SLC16A6: variants seen among roughly 807,000 people sequenced by gnomAD.
The protein encoded by SLC16A6 is monocarboxylate transporter 7.
SLC16A6 carries 15 observed loss-of-function variants against 33.8 expected under a neutral mutation model. The observed-to-expected ratio is 0.44, with a 90% CI of 0.30 to 0.68. The LOEUF (loss-of-function observed/expected upper bound fraction) is 0.68, where lower values mean the gene tolerates loss of function less well. SLC16A6 is among the 30% of genes least tolerant of loss of function. SLC16A6 has a pLI of 0.10. For missense variants in SLC16A6, 451 were observed against 661.5 expected (o/e 0.68, Z 3.49); for synonymous variants, 219 against 248.4 (o/e 0.88, Z 1.11).
intron 2 of SLC16A6, among the ~76,000 whole-genome samples, chr17:68,276,234 C>T (rs565326707): frequency 6.6e-6 from 1 of 151,950 alleles, no homozygotes; most frequent in African/African-American, 2.4e-5. Context: ...GCTGGGATTA[C>T]AGGTGCCCAC....
intron 3 of SLC16A6, among the ~76,000 whole-genome samples, chr17:68,273,675 A>C (rs1555749906): frequency 1.3e-5 from 2 of 152,184 alleles, no homozygotes; most frequent in African/African-American, 4.8e-5. Context: ...TTTGGCTGCA[A>C]ATACAGCAAA....
Position 68,269,057 on chromosome 17 carries a change from C to G in SLC16A6, c.*39G>C. ...TCCCCGTTGGGCCCACCCCATCCCT[C>G]TCCAGCCAACACAGTGGCTGTTGTT... On this transcript the variant is annotated 3_prime_UTR_variant, in exon 6 of 6. Coordinates refer to ENST00000580666, the MANE Select transcript of SLC16A6 (RefSeq NM_004694.5). The G allele has an allele frequency of 6.3e-7, 1 of 1,587,894 alleles. No homozygotes were observed. Among genetic ancestry groups the G allele is most frequent in the South Asian group, 1.2e-5 (1 of 86,766 alleles).
chr17:68,272,499 G>T, intron 4 of SLC16A6, 140 bp downstream of exon 4: 4 of 975,562 alleles, frequency 4.1e-6, no homozygotes, highest in Middle Eastern at 3.5e-4. Flanking sequence ...CTAAAAATGA[G>T]CTGGAGAAGA....
At chr17:68,270,755 G>C in intron 5 of SLC16A6, 84 bp downstream of exon 5, 1 of 1,268,998 alleles carries the variant, frequency 7.9e-7, no homozygotes, top group South Asian at 1.5e-5. Context: ...ACGGCAGTAA[G>C]TTTTTTTTAT....
At chr17:68,269,887 G>A (rs556050482) in intron 5 of SLC16A6, among the ~76,000 whole-genome samples, 1 of 152,046 alleles carries the variant, frequency 6.6e-6, no homozygotes, top group African/African-American at 2.4e-5. Context: ...TGGCCAGGCT[G>A]GTCTGGAACT....
At chr17:68,278,609 T>C (rs1323370046) in intron 1 of SLC16A6, among the ~76,000 whole-genome samples, 2 of 144,846 alleles carry the variant, frequency 1.4e-5, no homozygotes, top group African/African-American at 5.2e-5. Context: ...TAATGTTTTT[T>C]CTTTTTCCTT....
In SLC16A6 at chr17:68,269,373, CA is replaced by C. The variant is rs2075256603; in HGVS notation, c.1322-28del. On this transcript the variant is annotated intron_variant, in intron 5 of 5. Transcript: ENST00000580666. ...TGGAAGAGAGCATGGCGTCCGTTAACAGCATCCTTCCTAGACATAAGCCCCT... is the reference window on the plus strand; with the variant it reads ...TGGAAGAGAGCATGGCGTCCGTTAACGCATCCTTCCTAGACATAAGCCCCT... The C allele has an allele frequency of 1.9e-6, 2 of 1,026,978 alleles. 1 individual carries two copies. The highest frequency in any genetic ancestry group is 3.8e-5 in the African/African-American group (2 of 52,354). 63.6% of individuals were successfully genotyped at this position (1,026,978 alleles called of 1,614,324 possible). A position where few individuals can be genotyped will look rare whatever the true frequency, so the allele number is the denominator to read the frequency against.
chr17:68,282,941 C>CT (rs1262481626), intron 1 of SLC16A6: 2 of 146,840 alleles, frequency 1.4e-5, no homozygotes, highest in African/African-American at 2.5e-5. Flanking sequence ...GTGCAAGACT[C>CT]TGTCTCAAAA....
intron 1 of SLC16A6, among the ~76,000 whole-genome samples, chr17:68,286,406 C>T (rs2075843317): frequency 6.6e-6 from 1 of 152,196 alleles, no homozygotes; most frequent in Non-Finnish European, 1.5e-5. Context: ...AATCGGGAAA[C>T]TGATCCCCAA....
intron 2 of SLC16A6, among the ~76,000 whole-genome samples, chr17:68,275,356 T>G (rs2075480277): frequency 6.6e-6 from 1 of 152,178 alleles, no homozygotes; most frequent in Non-Finnish European, 1.5e-5. Flanking sequence ...TCCATTTTTT[T>G]GGGTTAGTCT....
At chr17:68,276,825 C>A (rs2075538790) in intron 2 of SLC16A6, among the ~76,000 whole-genome samples, 1 of 152,122 alleles carries the variant, frequency 6.6e-6, no homozygotes, top group Non-Finnish European at 1.5e-5. Flanking sequence ...TTCTGACAGA[C>A]CAATGAACTC....
At chr17:68,274,101 C>G in intron 2 of SLC16A6, 31 bp from the exon 3 acceptor site, 1 of 1,603,160 alleles carries the variant, frequency 6.2e-7, no homozygotes. Context: ...GATATTTTAA[C>G]TCACAGAGGC....
intron 2 of SLC16A6, among the ~76,000 whole-genome samples, chr17:68,275,150 G>T (rs1206061750): frequency 6.6e-6 from 1 of 152,156 alleles, no homozygotes; most frequent in African/African-American, 2.4e-5. Context: ...AGTTGCTATG[G>T]GATAGATAAT....
At chr17:68,290,161 G>T (rs1033038631) in intron 1 of SLC16A6, among the ~76,000 whole-genome samples, 7 of 152,202 alleles carry the variant, frequency 4.6e-5, no homozygotes, top group Admixed American at 3.9e-4. Flanking sequence ...CTGGCACGGA[G>T]TGTCTAACCG....
At chr17:68,287,482 A>G (rs1256996912) in intron 1 of SLC16A6, among the ~76,000 whole-genome samples, 2 of 151,826 alleles carry the variant, frequency 1.3e-5, no homozygotes, top group African/African-American at 2.4e-5. Flanking sequence ...ATTCATTTCT[A>G]TTTCCTTTCT....
At position 68,278,243 on chromosome 17, in the gene SLC16A6, C is replaced by T. The variant is rs149995088; in HGVS notation, c.78G>A (p.Ala26=). ...CAACGAAGAAAAATGAAACAGCTAC[C>T]GCCCAGCCCCATCCTCCATCAGGCA... ...TEVPDGGWGW[A]VAVSFFFVEV... Residue 26 remains alanine (A), a synonymous_variant, in exon 2 of 6, where the codon GCG becomes GCA. Coordinates refer to ENST00000580666, the MANE Select transcript of SLC16A6 (RefSeq NM_004694.5). The T allele has an allele frequency of 2.3e-3, 3,636 of 1,614,158 alleles. 9 individuals are homozygous for T. Among genetic ancestry groups the T allele is most frequent in the Non-Finnish European group, 2.9e-3 (3,405 of 1,180,012 alleles).
intron 1 of SLC16A6, among the ~76,000 whole-genome samples, chr17:68,287,412 G>A (rs562991828): frequency 5.3e-5 from 8 of 151,836 alleles, no homozygotes; most frequent in Middle Eastern, 3.4e-3. Context: ...CTCCCACCTC[G>A]GCCTCCCAAA....
At chr17:68,272,806 T>A (rs1555749496) in intron 3 of SLC16A6, 39 bp from the exon 4 acceptor site, 2 of 1,611,196 alleles carry the variant, frequency 1.2e-6, no homozygotes, top group Non-Finnish European at 1.7e-6. Flanking sequence ...GAGACCCACA[T>A]ACTGCTTGAG....
rs1395429044 is a variant in SLC16A6, at chr17:68,267,882, T to C, written c.*1214A>G. On this transcript the variant is annotated 3_prime_UTR_variant, in exon 6 of 6. Transcript: ENST00000580666. ...CTTGTAACTCGCTATAACATAATTG[T>C]CTCTGTTACCCCCATGTGAAATACA... 6.6e-6 allele frequency: 1 copy of C among 152,262 alleles called. No homozygotes were observed. The highest frequency in any genetic ancestry group is 1.5e-5 in the Non-Finnish European group (1 of 68,044). 9.4% of individuals were successfully genotyped at this position (152,262 alleles called of 1,614,324 possible).
Sources: allele counts gnomAD v4.1 joint callset (sites outside exome capture counted in the v4.1 genomes callset), GRCh38; gene constraint gnomAD v4.1.1; transcripts MANE v1.5; gene names NCBI Gene and HGNC (gene_info 2026-07-23, HGNC 2026-07-21).